The following BAIAP2L1 variants were observed in gnomAD, a reference collection of about 807,000 sequenced individuals.
The protein encoded by BAIAP2L1 is BAR/IMD domain-containing adapter protein 2-like 1.
In BAIAP2L1, 35 loss-of-function variants were observed where a neutral mutation model predicts 66.3. The ratio of observed to expected loss-of-function variants is 0.53; its 90% CI spans 0.40 to 0.70. The LOEUF is 0.70. BAIAP2L1 is among the 30% of genes least tolerant of loss of function. The pLI, the probability that BAIAP2L1 is intolerant of heterozygous loss-of-function variation, is 0.00. For synonymous variants in BAIAP2L1, 269 were observed against 248.7 expected, an observed-to-expected ratio of 1.08 and a Z score of -0.77; for missense variants, 622 against 656.9, an observed-to-expected ratio of 0.95 and a Z score of 0.58.
At position 98,330,530 on chromosome 7, in the gene BAIAP2L1, G is replaced by A. The variant is rs2894171; in HGVS notation, c.215-10232C>T. On this transcript the variant is annotated intron_variant, in intron 3 of 13. Coordinates refer to ENST00000005260, the MANE Select transcript of BAIAP2L1 (RefSeq NM_018842.5). ...AAATTAGCCGGGCGTGGTGGCGCAC[G>A]CCTGTAATCCCAGCTACTCGGGAGG... Among the ~76,000 whole-genome samples the A allele has an allele frequency of 4.6e-3, 707 of 152,148 alleles. 2 individuals carry two copies. Among genetic ancestry groups the A allele is most frequent in the African/African-American group, 0.011 (473 of 41,534 alleles).
chr7:98,372,944 T>C (rs1268805142), intron 1 of BAIAP2L1, among the ~76,000 whole-genome samples: 2 of 152,146 alleles, frequency 1.3e-5, no homozygotes, highest in Non-Finnish European at 2.9e-5. Context: ...TTCGCCATGT[T>C]GGCCAGGCTG....
chr7:98,354,493 GAC>G (rs1361635058), intron 3 of BAIAP2L1, among the ~76,000 whole-genome samples: 5 of 152,086 alleles, frequency 3.3e-5, no homozygotes, highest in Admixed American at 3.3e-4. Flanking sequence ...CCTAACCCCC[GAC>G]AGTGAAGTGT....
chr7:98,386,805 T>C (rs1203534515), intron 1 of BAIAP2L1, among the ~76,000 whole-genome samples: 2 of 148,430 alleles, frequency 1.3e-5, no homozygotes, highest in Non-Finnish European at 3.0e-5. Flanking sequence ...TTTCAAGTGA[T>C]TCTCCTGCCT....
Position 98,310,575 on chromosome 7 carries a change from G to A in BAIAP2L1, c.825C>T (p.Asp275=). ...ERSNVVRKDY[D]TLSKCSPKMP... is the part of the protein sequence containing the mutation. ...TCTTTGGTGAGCATTTAGAAAGGGT[G>A]TCGTAATCTTTCCTAACCTGTGAAA... The change falls in exon 9 of 14, where the codon GAC becomes GAT. Residue 275 remains aspartate (D), a synonymous_variant. Coordinates refer to ENST00000005260, the MANE Select transcript of BAIAP2L1 (RefSeq NM_018842.5). 6.3e-7 allele frequency: 1 copy of A among 1,588,976 alleles called. No individual in the cohort carries two copies. Among genetic ancestry groups the A allele is most frequent in the Non-Finnish European group, 8.5e-7 (1 of 1,172,714 alleles).
chr7:98,376,563 G>A (rs553760700), intron 1 of BAIAP2L1, among the ~76,000 whole-genome samples: 11 of 148,306 alleles, frequency 7.4e-5, no homozygotes, highest in Admixed American at 1.4e-4. Context: ...GCTCAAGCCT[G>A]TAATCCCAGC....
intron 12 of BAIAP2L1, among the ~76,000 whole-genome samples, chr7:98,302,059 G>T (rs1353224503): frequency 1.3e-5 from 2 of 152,184 alleles, no homozygotes; most frequent in Non-Finnish European, 2.9e-5. Flanking sequence ...GACACTGACA[G>T]AATGTCATGA....
chr7:98,298,589 G>A (rs966768946), intron 12 of BAIAP2L1, among the ~76,000 whole-genome samples: 4 of 152,112 alleles, frequency 2.6e-5, no homozygotes, highest in African/African-American at 9.6e-5. Context: ...CTCCAGCCTG[G>A]GTGACAGAGC....
intron 1 of BAIAP2L1, among the ~76,000 whole-genome samples, chr7:98,393,940 C>T (rs1174634079): frequency 4.1e-5 from 6 of 146,448 alleles, no homozygotes; most frequent in African/African-American, 1.5e-4. Flanking sequence ...CCCATCTCTA[C>T]TAAAAATATA....
chr7:98,292,456 T>TG lies in BAIAP2L1; in HGVS notation c.*1064dup. ...CACAAAATGCTGGGATTCCCGTACC[T>TG]GGGCCGGGCTGGGAATTTTAACCAT... On this transcript the variant is annotated 3_prime_UTR_variant, in exon 14 of 14. Transcript: ENST00000005260. 1 of 615,812 alleles carries TG rather than the reference T, an allele frequency of 1.6e-6. No homozygotes were observed. Among genetic ancestry groups the TG allele is most frequent in the South Asian group, 2.1e-5 (1 of 47,328 alleles). 38.1% of individuals were successfully genotyped at this position (615,812 alleles called of 1,614,324 possible).
chr7:98,292,822 G>A lies in BAIAP2L1; in HGVS notation c.*699C>T, dbSNP rs1035924840. 4.6e-5 allele frequency: 69 copies of A among 1,484,516 alleles called. No homozygotes were observed. Among genetic ancestry groups the A allele is most frequent in the Admixed American group, 3.0e-4 (12 of 40,320 alleles). 92.0% of individuals were successfully genotyped at this position (1,484,516 alleles called of 1,614,324 possible). ...CCCAGGCCTGTGTCCTGGATGGGCC[G>A]TGTGCAGCGAATCCGTTGGCGACTC... On this transcript the variant is annotated 3_prime_UTR_variant, in exon 14 of 14. Transcript: ENST00000005260.
Position 98,312,187 on chromosome 7 carries a change from G to A in BAIAP2L1, c.717C>T (p.Ile239=). 1.9e-6 allele frequency: 3 copies of A among 1,614,130 alleles called. No homozygotes were observed. The highest frequency in any genetic ancestry group is 2.5e-6 in the Non-Finnish European group (3 of 1,180,016). ...TCTTTATTTCTTCGATCATATTCAT[G>A]ATTTTCTCTGGCACTTTGATGGCAT... ...CVDAIKVPEK[I]MNMIEEIKTP... Residue 239 remains isoleucine (I), a synonymous_variant, in exon 8 of 14, where the codon ATC becomes ATT. Coordinates refer to ENST00000005260, the MANE Select transcript of BAIAP2L1 (RefSeq NM_018842.5).
intron 3 of BAIAP2L1, among the ~76,000 whole-genome samples, chr7:98,339,359 T>C (rs1488065524): frequency 6.6e-6 from 1 of 152,256 alleles, no homozygotes; most frequent in Non-Finnish European, 1.5e-5. Context: ...GTTTCCCTAA[T>C]GGCTAATGAT....
At chr7:98,344,900 T>C (rs1003680991) in intron 3 of BAIAP2L1, among the ~76,000 whole-genome samples, 4 of 152,178 alleles carry the variant, frequency 2.6e-5, no homozygotes, top group African/African-American at 9.7e-5. Context: ...CGCGCCATTG[T>C]ACTCCAGCCT....
chr7:98,343,719 G>C (rs1425592304), intron 3 of BAIAP2L1, among the ~76,000 whole-genome samples: 1 of 152,122 alleles, frequency 6.6e-6, no homozygotes, highest in Admixed American at 6.6e-5. Flanking sequence ...TATCCCAATT[G>C]AAGCAAGCAA....
intron 1 of BAIAP2L1, among the ~76,000 whole-genome samples, chr7:98,380,978 G>A (rs77998959): frequency 1.3e-5 from 2 of 152,010 alleles, no homozygotes; most frequent in African/African-American, 2.4e-5. Flanking sequence ...ATACTGAGAC[G>A]CACAGGTCAT....
chr7:98,357,020 A>AAAAAAAAAATAT (rs1554337328), intron 2 of BAIAP2L1, among the ~76,000 whole-genome samples: 1 of 28,096 alleles, frequency 3.6e-5, no homozygotes, highest in Non-Finnish European at 5.1e-5. Flanking sequence ...AAAAAAAAAA[A>AAAAAAAAAATAT]ATATATATAT....
intron 1 of BAIAP2L1, among the ~76,000 whole-genome samples, chr7:98,379,548 T>G (rs1261105730): frequency 6.6e-6 from 1 of 152,144 alleles, no homozygotes; most frequent in African/African-American, 2.4e-5. Context: ...AATCTGCAAA[T>G]ACCAGGGCTG....
At chr7:98,359,745 G>GTTTTTTTTTTTTTTT (rs780836343) in intron 2 of BAIAP2L1, among the ~76,000 whole-genome samples, 6 of 109,026 alleles carry the variant, frequency 5.5e-5, no homozygotes, top group Non-Finnish European at 9.0e-5. Context: ...GTAGACCTGG[G>GTTTTTTTTTTTTTTT]TTTTTTTTTT....
Position 98,304,367 on chromosome 7 carries a change from T to C in BAIAP2L1, c.1251A>G (p.Pro417=). 1 of 1,613,436 alleles carries C rather than the reference T, an allele frequency of 6.2e-7. No homozygotes were observed. The highest frequency in any genetic ancestry group is 8.5e-7 in the Non-Finnish European group (1 of 1,179,694). The change falls in exon 12 of 14, where the codon CCA becomes CCG. Residue 417 remains proline, a synonymous_variant. Coordinates refer to ENST00000005260, the MANE Select transcript of BAIAP2L1 (RefSeq NM_018842.5). ...AVTVPTPSPT[P]VRSISTVNLS... is the part of the protein sequence containing the mutation. ...AGTTCACGGTGCTGATGCTTCTCAC[T>C]GGTGTGGGGCTCAAACCCAAAAAGG...
Sources: allele counts gnomAD v4.1 joint callset (sites outside exome capture counted in the v4.1 genomes callset), GRCh38; gene constraint gnomAD v4.1.1; transcripts MANE v1.5; gene names NCBI Gene and HGNC (gene_info 2026-07-23, HGNC 2026-07-21).